GLIS3: variants seen among roughly 807,000 people sequenced by gnomAD.
GLIS3 encodes GLIS family zinc finger 3, also known as zinc finger protein GLIS3.
In GLIS3, 53 loss-of-function variants were observed where a neutral mutation model predicts 78.6. The ratio of observed to expected loss-of-function variants is 0.67; its 90% CI spans 0.54 to 0.85. The LOEUF (loss-of-function observed/expected upper bound fraction) is 0.85, where lower values mean the gene tolerates loss of function less well. Ranked by LOEUF, GLIS3 falls within the 40% of genes least tolerant of loss-of-function variation. The pLI, the probability that GLIS3 is intolerant of heterozygous loss-of-function variation, is 0.00. For missense variants in GLIS3, 1,703 were observed against 1,231.1 expected (o/e 1.38, Z -5.74); for synonymous variants, 684 against 509.9 (o/e 1.34, Z -4.60).
At chr9:4,331,297 T>C (rs10121155) in intron 2 of GLIS3, among the ~76,000 whole-genome samples, 96,594 of 151,956 alleles carry the variant, frequency 0.64, 33,900 homozygotes, top group Non-Finnish European at 0.8. Context: ...CGTGTGTGTC[T>C]CTGAGTCCTC....
chr9:4,112,972 C>T (rs1371000998), intron 4 of GLIS3, among the ~76,000 whole-genome samples: 1 of 152,100 alleles, frequency 6.6e-6, no homozygotes, highest in East Asian at 1.9e-4. Context: ...TTACTAGTTA[C>T]CCTGCCCCCA....
intron 4 of GLIS3, among the ~76,000 whole-genome samples, chr9:4,078,297 G>A (rs748969636): frequency 2.6e-5 from 4 of 152,022 alleles, no homozygotes; most frequent in Non-Finnish European, 5.9e-5. Flanking sequence ...GGAGTATCCT[G>A]CCCCTACCTG....
chr9:3,991,346 A>G (rs1434321653), intron 4 of GLIS3, among the ~76,000 whole-genome samples: 2 of 152,194 alleles, frequency 1.3e-5, no homozygotes, highest in African/African-American at 4.8e-5. Flanking sequence ...ACAAAAAAAA[A>G]GGGTTCACAG....
intron 4 of GLIS3, among the ~76,000 whole-genome samples, chr9:3,949,548 G>T (rs1328325456): frequency 6.6e-6 from 1 of 152,100 alleles, no homozygotes; most frequent in Non-Finnish European, 1.5e-5. Context: ...TCAAATATAG[G>T]ATCCTGAGGA....
At chr9:4,057,212 G>A (rs1038799711) in intron 4 of GLIS3, among the ~76,000 whole-genome samples, 1 of 151,996 alleles carries the variant, frequency 6.6e-6, no homozygotes, top group African/African-American at 2.4e-5. Flanking sequence ...CAGTCCCATC[G>A]GCCCCTACCC....
intron 4 of GLIS3, among the ~76,000 whole-genome samples, chr9:4,023,061 C>T (rs1182195284): frequency 6.6e-6 from 1 of 152,156 alleles, no homozygotes; most frequent in African/African-American, 2.4e-5. Context: ...ATGTAATTTA[C>T]TATACACAGA....
At chr9:4,107,653 G>C (rs564131022) in intron 4 of GLIS3, among the ~76,000 whole-genome samples, 2 of 151,916 alleles carry the variant, frequency 1.3e-5, no homozygotes, top group African/African-American at 2.4e-5. Context: ...TACTGCCCAA[G>C]AGTATCTTTC....
chr9:3,889,393 C>G (rs1278101809), intron 7 of GLIS3, among the ~76,000 whole-genome samples: 2 of 152,140 alleles, frequency 1.3e-5, no homozygotes, highest in Non-Finnish European at 2.9e-5. Flanking sequence ...GTTCTGGATG[C>G]CTTCAATGGA....
At chr9:4,404,533 T>C in the GLIS3 span, among the ~76,000 whole-genome samples, 3,094 of 152,246 alleles carry the variant, frequency 0.02, 49 homozygotes, top group Middle Eastern at 0.037. Context: ...TCTGATCACA[T>C]TGGAATAAAA....
At chr9:4,144,583 C>A (rs957934673) in intron 2 of GLIS3, among the ~76,000 whole-genome samples, 5 of 151,998 alleles carry the variant, frequency 3.3e-5, no homozygotes, top group Admixed American at 2.6e-4. Flanking sequence ...CAAGAAGGAA[C>A]TATTAATAAA....
chr9:3,957,248 A>G (rs1364069719), intron 4 of GLIS3, among the ~76,000 whole-genome samples: 2 of 152,236 alleles, frequency 1.3e-5, no homozygotes, highest in Non-Finnish European at 2.9e-5. Flanking sequence ...CTGCCTACGC[A>G]TTAAACCTGT....
At chr9:3,962,301 T>C (rs1250343938) in intron 4 of GLIS3, among the ~76,000 whole-genome samples, 30 of 151,952 alleles carry the variant, frequency 2.0e-4, no homozygotes, top group Admixed American at 1.9e-3. Context: ...CAACCCTAAA[T>C]AGAACTGAGT....
chr9:4,459,030 T>C, the GLIS3 span, among the ~76,000 whole-genome samples: 3 of 152,072 alleles, frequency 2.0e-5, no homozygotes, highest in African/African-American at 7.2e-5. Flanking sequence ...TACTCTGGGA[T>C]GGCAAGTCAC....
chr9:4,328,975 G>T (rs73386272), intron 2 of GLIS3, among the ~76,000 whole-genome samples: 1 of 152,314 alleles, frequency 6.6e-6, no homozygotes, highest in East Asian at 1.9e-4. Flanking sequence ...CAGCTCTTGA[G>T]GTGAGTGTAG....
intron 6 of GLIS3, among the ~76,000 whole-genome samples, chr9:3,922,763 A>C (rs1269091491): frequency 1.3e-5 from 2 of 152,136 alleles, no homozygotes; most frequent in Non-Finnish European, 2.9e-5. Context: ...AAAGAGAGAA[A>C]GCCAAAAAAA....
intron 2 of GLIS3, among the ~76,000 whole-genome samples, chr9:4,228,891 C>T (rs1563792490): frequency 6.6e-6 from 1 of 152,106 alleles, no homozygotes; most frequent in Non-Finnish European, 1.5e-5. Context: ...CCAGAAGGGC[C>T]AGAGAAAGAG....
intron 4 of GLIS3, among the ~76,000 whole-genome samples, chr9:4,011,155 C>T (rs1415260241): frequency 6.6e-6 from 1 of 152,140 alleles, no homozygotes; most frequent in African/African-American, 2.4e-5. Context: ...GTCCAAAATG[C>T]ATGCCAGTTT....
the GLIS3 span, among the ~76,000 whole-genome samples, chr9:4,364,973 C>G: frequency 2.6e-5 from 4 of 152,068 alleles, no homozygotes; most frequent in African/African-American, 9.6e-5. Flanking sequence ...AATAAGAAAA[C>G]TACACAGTGA....
At chr9:4,064,254 A>C (rs553384165) in intron 4 of GLIS3, among the ~76,000 whole-genome samples, 6 of 152,314 alleles carry the variant, frequency 3.9e-5, no homozygotes, top group African/African-American at 1.4e-4. Context: ...ACAAGGAATA[A>C]AGATAGGTGA....
Sources: gnomAD v4.1 joint callset for allele counts (sites outside exome capture counted in the v4.1 genomes callset) on GRCh38, gnomAD v4.1.1 for gene constraint, MANE v1.5 for transcripts, NCBI Gene and HGNC (gene_info 2026-07-23, HGNC 2026-07-21) for gene names.